Variants in LTBP1 observed in about 807,000 individuals in gnomAD.
LTBP1 encodes the protein latent transforming growth factor beta binding protein 1.
LTBP1 carries 129 observed loss-of-function variants against 207.6 expected under a neutral mutation model. The ratio of observed to expected loss-of-function variants is 0.62; its 90% CI spans 0.54 to 0.72. LTBP1 has a LOEUF of 0.72. LTBP1 is among the 30% of genes least tolerant of loss of function. LTBP1 has a pLI of 0.00. For missense variants in LTBP1, 2,281 were observed against 2,217.2 expected (o/e 1.03, Z -0.58); for synonymous variants, 963 against 833.7 (o/e 1.16, Z -2.67).
chr2:33,397,769 A>G (rs955169765), intron 33 of LTBP1, among the ~76,000 whole-genome samples: 13 of 145,090 alleles, frequency 9.0e-5, no homozygotes, highest in Non-Finnish European at 1.2e-4. Flanking sequence ...TGATCCGCCC[A>G]CCTTGGCCTC....
intron 7 of LTBP1, among the ~76,000 whole-genome samples, chr2:33,200,857 C>T (rs1202661446): frequency 6.6e-6 from 1 of 152,110 alleles, no homozygotes; most frequent in Non-Finnish European, 1.5e-5. Context: ...ATTTATGGAG[C>T]CAAAAGACAC....
At chr2:33,115,954 A>T (rs2080725369) in intron 4 of LTBP1, among the ~76,000 whole-genome samples, 1 of 152,228 alleles carries the variant, frequency 6.6e-6, no homozygotes, top group Non-Finnish European at 1.5e-5. Context: ...GGAATGCTTT[A>T]TAATATTAAA....
At chr2:33,136,930 A>G (rs1216015748) in intron 5 of LTBP1, among the ~76,000 whole-genome samples, 2 of 152,222 alleles carry the variant, frequency 1.3e-5, no homozygotes, top group African/African-American at 2.4e-5. Context: ...AATTTTTTGA[A>G]AAGTAGAGGA....
At chr2:33,383,611 G>A (rs1302347359) in intron 31 of LTBP1, among the ~76,000 whole-genome samples, 5 of 152,062 alleles carry the variant, frequency 3.3e-5, no homozygotes, top group Admixed American at 1.3e-4. Context: ...TCAGGCTGGA[G>A]TGCAGTGGCA....
Position 32,947,702 on chromosome 2 carries a change from G to C in LTBP1, c.378G>C (p.Pro126=), listed in dbSNP as rs756735426. The C allele has an allele frequency of 2.0e-6, 3 of 1,521,854 alleles. No homozygotes were observed. Among genetic ancestry groups the C allele is most frequent in the African/African-American group, 1.4e-5 (1 of 69,456 alleles). 94.3% of individuals were successfully genotyped at this position (1,521,854 alleles called of 1,614,324 possible). Residue 126 remains proline (P), a synonymous_variant, in exon 1 of 34, where the codon CCG becomes CCC. Coordinates refer to ENST00000404816, the MANE Select transcript of LTBP1 (RefSeq NM_206943.4). ...TCCACCCCAATCCCGGCGGCCACCC[G>C]GCAGCCGCCCCGTTCACCAAACAAG... ...GQLHPNPGGH[P]AAAPFTKQGR... is the part of the protein sequence containing the mutation.
At chr2:33,243,517 T>C in intron 9 of LTBP1, 145 bp from the exon 10 acceptor site, 1 of 624,010 alleles carries the variant, frequency 1.6e-6, no homozygotes. Flanking sequence ...CATTAACTGA[T>C]TTAAGATTAT....
Position 33,299,336 on chromosome 2 carries a change from C to A in LTBP1, c.3236-1115C>A, listed in dbSNP as rs904922990. ...TATACAGTTAATTGAGTTTTCCTGG[C>A]AGACACTTTTAGATGCATTTTAAAT... On this transcript the variant is annotated intron_variant, in intron 20 of 33. Coordinates refer to ENST00000404816, the MANE Select transcript of LTBP1 (RefSeq NM_206943.4). 4.0e-5 allele frequency among the ~76,000 whole-genome samples: 6 copies of A among 151,782 alleles called. No individual in the cohort carries two copies. In the South Asian group the frequency reaches 8.3e-4, roughly 21 times the overall value.
At chr2:33,051,473 T>C (rs1478869661) in intron 3 of LTBP1, among the ~76,000 whole-genome samples, 2 of 152,154 alleles carry the variant, frequency 1.3e-5, no homozygotes, top group East Asian at 3.8e-4. Context: ...GCAATATTAC[T>C]GAGTGAGGAT....
intron 3 of LTBP1, among the ~76,000 whole-genome samples, chr2:33,088,377 G>A (rs1572576647): frequency 1.3e-5 from 2 of 152,116 alleles, no homozygotes; most frequent in Non-Finnish European, 2.9e-5. Flanking sequence ...ACTTGAACCC[G>A]GGAGGCGGAG....
intron 7 of LTBP1, among the ~76,000 whole-genome samples, chr2:33,199,373 C>T (rs1317194903): frequency 6.6e-6 from 1 of 152,120 alleles, no homozygotes; most frequent in African/African-American, 2.4e-5. Context: ...AATGTATATT[C>T]TGTTGATTTG....
intron 15 of LTBP1, among the ~76,000 whole-genome samples, chr2:33,266,915 T>C (rs2093197709): frequency 6.6e-6 from 1 of 152,024 alleles, no homozygotes; most frequent in Non-Finnish European, 1.5e-5. Context: ...ACCCCCCCAC[T>C]CACCATGTTG....
intron 2 of LTBP1, among the ~76,000 whole-genome samples, chr2:32,997,116 C>G (rs1486796943): frequency 6.6e-6 from 1 of 152,130 alleles, no homozygotes; most frequent in Non-Finnish European, 1.5e-5. Flanking sequence ...AATTCCTGAC[C>G]TCAAGCGATC....
chr2:33,287,864 G>C (rs1348075983), intron 19 of LTBP1, among the ~76,000 whole-genome samples: 1 of 152,172 alleles, frequency 6.6e-6, no homozygotes, highest in Non-Finnish European at 1.5e-5. Context: ...CAGTTGAGGT[G>C]GTTTCATCAC....
At chr2:33,310,626 C>T (rs1239308349) in intron 23 of LTBP1, among the ~76,000 whole-genome samples, 1 of 152,150 alleles carries the variant, frequency 6.6e-6, no homozygotes, top group Non-Finnish European at 1.5e-5. Flanking sequence ...TCCCACTACT[C>T]TTCCCTACAT....
At chr2:33,233,188 T>C (rs969122904) in intron 9 of LTBP1, among the ~76,000 whole-genome samples, 2 of 152,164 alleles carry the variant, frequency 1.3e-5, no homozygotes, top group South Asian at 2.1e-4. Context: ...TGGAGTGTGT[T>C]TTTCATGGCT....
Position 33,033,700 on chromosome 2 carries a change from T to C in LTBP1, c.863+12494T>C, listed in dbSNP as rs2075790847. 2.0e-5 allele frequency among the ~76,000 whole-genome samples: 3 copies of C among 152,010 alleles called. No homozygotes were observed. In the South Asian group the frequency reaches 6.3e-4, roughly 32 times the overall value. On this transcript the variant is annotated intron_variant, in intron 3 of 33. Transcript: ENST00000404816. Reference sequence around the variant, plus strand: ...CTGCAGCTGGATGGACTTTCTTTTGTATGGAGACGCTGCCTCTAGTGTTTA... The same window carrying C: ...CTGCAGCTGGATGGACTTTCTTTTGCATGGAGACGCTGCCTCTAGTGTTTA...
chr2:33,088,854 T>G (rs2078907491), intron 3 of LTBP1, among the ~76,000 whole-genome samples: 1 of 152,098 alleles, frequency 6.6e-6, no homozygotes, highest in Non-Finnish European at 1.5e-5. Context: ...AAAGTAGTTG[T>G]GCATTGAAAA....
chr2:33,016,724 A>C (rs1688435436), intron 2 of LTBP1, among the ~76,000 whole-genome samples: 1 of 152,186 alleles, frequency 6.6e-6, no homozygotes, highest in South Asian at 2.1e-4. Flanking sequence ...AAATTAAATT[A>C]AAAAGTACTT....
intron 26 of LTBP1, 149 bp from the exon 27 acceptor site, chr2:33,360,448 G>A: frequency 1.9e-6 from 1 of 527,222 alleles, no homozygotes. Context: ...ATCTCAAAGT[G>A]GAAGAATCTG....
Sources: gnomAD v4.1 joint callset for allele counts (sites outside exome capture counted in the v4.1 genomes callset) on GRCh38, gnomAD v4.1.1 for gene constraint, MANE v1.5 for transcripts, NCBI Gene and HGNC (gene_info 2026-07-23, HGNC 2026-07-21) for gene names.